The following AGO1 variants were observed in gnomAD, a reference collection of about 807,000 sequenced individuals.
AGO1 encodes argonaute RISC component 1.
In AGO1, 11 loss-of-function variants were observed where a neutral mutation model predicts 109.2. The observed-to-expected ratio is 0.10, with a 90% CI of 0.06 to 0.17. The LOEUF (loss-of-function observed/expected upper bound fraction) is 0.17. Ranked by LOEUF, AGO1 falls within the 10% of genes least tolerant of loss-of-function variation. The pLI is 1.00. For synonymous variants in AGO1, 422 were observed against 418.6 expected (o/e 1.01, Z -0.10); for missense variants, 574 against 1,140.3 (o/e 0.50, Z 7.15).
chr1:35,895,399 T>G, intron 8 of AGO1, 130 bp downstream of exon 8: 1 of 1,020,464 alleles, frequency 9.8e-7, no homozygotes, highest in Non-Finnish European at 1.4e-6. Flanking sequence ...AGTTCTCCTG[T>G]GAAATAGAGG....
At chr1:35,878,780 A>G (rs1422978660), upstream of AGO1, among the ~76,000 whole-genome samples, 5 of 152,170 alleles carry the variant, frequency 3.3e-5, no homozygotes. Context: ...TTTTATCATA[A>G]TTAGTTATTA....
At chr1:35,876,034 A>G (rs1644989597) in intron 1 of AGO1, among the ~76,000 whole-genome samples, 1 of 152,224 alleles carries the variant, frequency 6.6e-6, no homozygotes, top group Admixed American at 6.5e-5. Flanking sequence ...GAACATTCAT[A>G]ATTCATGGGA....
upstream of AGO1, among the ~76,000 whole-genome samples, chr1:35,881,989 T>C (rs1027971331): frequency 6.6e-5 from 10 of 152,254 alleles, no homozygotes; most frequent in South Asian, 2.1e-3. Flanking sequence ...AGAATGGCAG[T>C]GAATCATGTG....
intron 3 of AGO1, 112 bp from the exon 4 acceptor site, chr1:35,892,985 A>T: frequency 8.8e-7 from 1 of 1,140,422 alleles, no homozygotes; most frequent in Non-Finnish European, 1.2e-6. Context: ...CTGGATTTTC[A>T]TTATGAGCCC....
chr1:35,921,477 C>G lies in AGO1; in HGVS notation c.*1870C>G, dbSNP rs535305390. 3 of 152,662 alleles carry G rather than the reference C, an allele frequency of 2.0e-5. No individual in the cohort carries two copies. Among genetic ancestry groups the G allele is most frequent in the South Asian group, 2.1e-4 (1 of 4,820 alleles). 9.5% of individuals were successfully genotyped at this position (152,662 alleles called of 1,614,324 possible). A position where few individuals can be genotyped will look rare whatever the true frequency, so the allele number is the denominator to read the frequency against. On this transcript the variant is annotated 3_prime_UTR_variant, in exon 19 of 19. Transcript: ENST00000373204. Reference sequence around the variant, plus strand: ...TTGCAACTTCAGTGTGGAATTTCCTCTTTGAGGAGCCTGGGCTTGGATCTA... The same window carrying G: ...TTGCAACTTCAGTGTGGAATTTCCTGTTTGAGGAGCCTGGGCTTGGATCTA...
rs953321639 is a variant in AGO1, at chr1:35,901,801, C to T, written c.1141-147C>T. ...ATTACTTTGCTGTGTTATTCCCTCA[C>T]TTCCCTCATCTTCCACTTTCTCTCT... is the stretch of plus-strand genomic sequence containing the variant. On this transcript the variant is annotated intron_variant, in intron 9 of 18. Coordinates refer to ENST00000373204, the MANE Select transcript of AGO1 (RefSeq NM_012199.5). The surrounding 1 kb of genome is among the most constrained non-coding windows in gnomAD (Gnocchi z 4.8). 1.5e-6 allele frequency: 2 copies of T among 1,311,132 alleles called. No individual in the cohort carries two copies. The highest frequency in any genetic ancestry group is 1.5e-5 in the African/African-American group (1 of 67,736). 81.2% of individuals were successfully genotyped at this position (1,311,132 alleles called of 1,614,324 possible).
rs1300648006 is a variant in AGO1, at chr1:35,902,275, G to C, written c.1335G>C (p.Glu445Asp). 6.2e-7 allele frequency: 1 copy of C among 1,614,204 alleles called. No homozygotes were observed. The highest frequency in any genetic ancestry group is 1.3e-5 in the African/African-American group (1 of 75,066). The change falls in exon 11 of 19, where the codon GAG becomes GAC. Residue 445 changes from glutamate to aspartate, a missense_variant. Transcript: ENST00000373204. ...MRGKQFYNGI[E>D]IKVWAIACFA... ...GGAAACAGTTCTACAATGGGATTGA[G>C]ATCAAAGTCTGGGCCATCGCCTGCT...
At position 35,883,704 on chromosome 1, in the gene AGO1, G is replaced by T. The variant is rs1247297039; in HGVS notation, c.25+258G>T. 1.3e-5 allele frequency among the ~76,000 whole-genome samples: 2 copies of T among 152,208 alleles called. No homozygotes were observed. Among genetic ancestry groups the T allele is most frequent in the African/African-American group, 2.4e-5 (1 of 41,448 alleles). On this transcript the variant is annotated intron_variant, in intron 1 of 18. Coordinates refer to ENST00000373204, the MANE Select transcript of AGO1 (RefSeq NM_012199.5). The surrounding 1 kb of genome is among the most constrained non-coding windows in gnomAD (Gnocchi z 5.4). ...AGTAATCTGGGAGAAGGGCCTGCAC[G>T]CACGGAAGGACTCCCAGACATCCGT...
intron 1 of AGO1, among the ~76,000 whole-genome samples, chr1:35,887,940 T>G (rs1198148869): frequency 6.6e-6 from 1 of 152,210 alleles, no homozygotes; most frequent in Non-Finnish European, 1.5e-5. Flanking sequence ...CTCTCCAGCC[T>G]GGCCTTGTCT....
At position 35,919,308 on chromosome 1, in the gene AGO1, T is replaced by A; in HGVS notation, c.2465+54T>A. ...TTTTGCTTCAGCCTATTGTGCCAGA[T>A]CTTCTTAACTTTCCTTGGGTAGAAG... On this transcript the variant is annotated intron_variant, in intron 18 of 18. Transcript: ENST00000373204. This position sits in a 1 kb window ranked among gnomAD's most constrained non-coding sequence, Gnocchi z 6.6. 6.4e-7 allele frequency: 1 copy of A among 1,565,740 alleles called. No individual in the cohort carries two copies. Among genetic ancestry groups the A allele is most frequent in the South Asian group, 1.2e-5 (1 of 86,406 alleles).
chr1:35,891,920 C>T (rs565226984), intron 2 of AGO1, among the ~76,000 whole-genome samples: 7 of 152,120 alleles, frequency 4.6e-5, no homozygotes, highest in African/African-American at 1.7e-4. Context: ...CTGTGTCCCC[C>T]AGGCCGGAGT....
In AGO1 at chr1:35,910,269, T is replaced by C. The variant is rs1645609030; in HGVS notation, c.1582+3150T>C. Among the ~76,000 whole-genome samples the C allele has an allele frequency of 2.6e-5, 4 of 151,812 alleles. No individual in the cohort carries two copies. The South Asian group carries it at 8.3e-4, about 32-fold the overall frequency. ...AGTGATGGTCAAAGCAAGGTCCCAT[T>C]GGCTTTTGGTTGCCCTGAGAGCGTA... On this transcript the variant is annotated intron_variant, in intron 12 of 18. Coordinates refer to ENST00000373204, the MANE Select transcript of AGO1 (RefSeq NM_012199.5).
intron 1 of AGO1, among the ~76,000 whole-genome samples, chr1:35,872,220 C>G (rs1230096584): frequency 1.4e-5 from 2 of 143,214 alleles, no homozygotes; most frequent in Non-Finnish European, 3.0e-5. Context: ...GAGTCTCGCT[C>G]TGTCACCCAG....
chr1:35,910,330 G>T (rs1034265134), intron 12 of AGO1, among the ~76,000 whole-genome samples: 4 of 151,456 alleles, frequency 2.6e-5, no homozygotes, highest in African/African-American at 7.3e-5. Context: ...TTCTGATCAG[G>T]TACTATACCT....
chr1:35,907,070 A>T lies in AGO1; in HGVS notation c.1533A>T (p.Ser511=), dbSNP rs1050019769. The change falls in exon 12 of 19, where the codon TCA becomes TCT. Residue 511 remains serine (S), a synonymous_variant. Coordinates refer to ENST00000373204, the MANE Select transcript of AGO1 (RefSeq NM_012199.5). ...TCCGGCATCTCAAGAACACCTACTC[A>T]GGGCTGCAGCTCATTATTGTCATCC... is the stretch of plus-strand genomic sequence containing the variant. ...PMFRHLKNTY[S]GLQLIIVILP... 1 of 1,614,008 alleles carries T rather than the reference A, an allele frequency of 6.2e-7. No homozygotes were observed. The highest frequency in any genetic ancestry group is 8.5e-7 in the Non-Finnish European group (1 of 1,179,972).
intron 1 of AGO1, among the ~76,000 whole-genome samples, chr1:35,887,768 C>T (rs1394557202): frequency 6.6e-6 from 1 of 152,098 alleles, no homozygotes; most frequent in Non-Finnish European, 1.5e-5. Flanking sequence ...TCTCTTTCTC[C>T]TGGCCTTTTT....
chr1:35,874,386 A>G (rs1644977089), intron 1 of AGO1, among the ~76,000 whole-genome samples: 4 of 152,174 alleles, frequency 2.6e-5, no homozygotes, highest in Admixed American at 2.6e-4. Flanking sequence ...TATAGTGCCC[A>G]GGCCGGTCTC....
At position 35,901,482 on chromosome 1, in the gene AGO1, C is replaced by T. The variant is rs775889960; in HGVS notation, c.1029C>T (p.Asn343=). 5 of 1,614,028 alleles carry T rather than the reference C, an allele frequency of 3.1e-6. No individual in the cohort carries two copies. Among genetic ancestry groups the T allele is most frequent in the South Asian group, 1.1e-5 (1 of 91,070 alleles). The change falls in exon 9 of 19, where the codon AAC becomes AAT. Residue 343 remains asparagine, a synonymous_variant. Transcript: ENST00000373204. This position sits in a 1 kb window ranked among gnomAD's most constrained non-coding sequence, Gnocchi z 4.8. The stretch of plus-strand genomic sequence containing the variant: ...CCTTCTTGTTTCCTCAGGTCTGTAA[C>T]ATTGTGGCTGGGCAGCGCTGTATTA... The part of the protein sequence containing the change: ...KHTYLPLEVC[N]IVAGQRCIKK...
intron 2 of AGO1, among the ~76,000 whole-genome samples, chr1:35,890,606 A>T (rs1645200486): frequency 6.6e-6 from 1 of 152,194 alleles, no homozygotes; most frequent in African/African-American, 2.4e-5. Flanking sequence ...GAAACTGTTG[A>T]ATATTATTAT....
Sources: allele counts gnomAD v4.1 joint callset (sites outside exome capture counted in the v4.1 genomes callset), GRCh38; gene constraint gnomAD v4.1.1; non-coding constraint Gnocchi (gnomAD v3.1); transcripts MANE v1.5; gene names NCBI Gene and HGNC (gene_info 2026-07-23, HGNC 2026-07-21).